KLRG1: variants seen among roughly 807,000 people sequenced by gnomAD.
The protein encoded by KLRG1 is killer cell lectin like receptor G1.
Under a neutral mutation model 21.8 loss-of-function variants are expected in KLRG1, and 16 were observed. The observed-to-expected ratio is 0.73, with a 90% CI of 0.50 to 1.11. The LOEUF is 1.11. KLRG1 is among the 50% of genes most tolerant of loss of function. The probability of loss-of-function intolerance (pLI) is 0.00; values close to 1 mark genes in which losing one functional copy is unlikely to be tolerated. For missense variants in KLRG1, 173 were observed against 218.3 expected (o/e 0.79, Z 1.31); for synonymous variants, 69 against 75.9 (o/e 0.91, Z 0.47).
the KLRG1 span, chr12:9,160,611 CAG>C: frequency 3.1e-5 from 27 of 869,910 alleles, no homozygotes; most frequent in Non-Finnish European, 4.6e-5. Flanking sequence ...GTTATATACA[CAG>C]AGTGTGACTT....
the KLRG1 span, chr12:9,150,763 G>A: frequency 6.5e-7 from 1 of 1,528,250 alleles, no homozygotes. Context: ...GGAAAAGTGG[G>A]AGTAATCAAG....
intron 1 of KLRG1, among the ~76,000 whole-genome samples, chr12:8,965,674 A>C (rs1946457665): frequency 1.3e-5 from 2 of 152,250 alleles, no homozygotes; most frequent in African/African-American, 4.8e-5. Flanking sequence ...ACCACTGCTC[A>C]ATGAAATAAA....
At chr12:9,090,134 C>A in the KLRG1 span, 1 of 1,469,782 alleles carries the variant, frequency 6.8e-7, no homozygotes, top group Non-Finnish European at 9.2e-7. Context: ...TATTAAAACA[C>A]AGAAGCAGGA....
chr12:8,957,050 C>A (rs752765804), intron 1 of KLRG1, among the ~76,000 whole-genome samples: 220 of 152,320 alleles, frequency 1.4e-3, no homozygotes, highest in African/African-American at 5.0e-3. Flanking sequence ...CAGGGCCCCC[C>A]CGGCCGTGGA....
At chr12:9,114,475 T>C in the KLRG1 span, among the ~76,000 whole-genome samples, 1 of 152,192 alleles carries the variant, frequency 6.6e-6, no homozygotes, top group East Asian at 1.9e-4. Flanking sequence ...TAATAAACAC[T>C]GTAGTATAAG....
chr12:9,194,027 C>G, the KLRG1 span: 3 of 1,522,148 alleles, frequency 2.0e-6, no homozygotes, highest in Non-Finnish European at 2.7e-6. Flanking sequence ...GAATATATCA[C>G]TGTTCCTAAC....
the KLRG1 span, among the ~76,000 whole-genome samples, chr12:9,024,515 T>C: frequency 6.6e-6 from 1 of 152,206 alleles, no homozygotes; most frequent in Non-Finnish European, 1.5e-5. Context: ...TTACTACAGA[T>C]TTTAGATAAA....
chr12:9,080,664 T>C, the KLRG1 span, among the ~76,000 whole-genome samples: 1 of 152,234 alleles, frequency 6.6e-6, no homozygotes, highest in African/African-American at 2.4e-5. Flanking sequence ...ACAAAGATAG[T>C]ATTTTTATGG....
At chr12:9,211,038 T>C in the KLRG1 span, among the ~76,000 whole-genome samples, 1 of 152,186 alleles carries the variant, frequency 6.6e-6, no homozygotes, top group Non-Finnish European at 1.5e-5. Flanking sequence ...GAGAGGCATG[T>C]ACTTAAGTGA....
chr12:9,208,402 C>G, the KLRG1 span: 68 of 1,389,312 alleles, frequency 4.9e-5, no homozygotes, highest in African/African-American at 9.5e-4. Context: ...CCCTGGAGAC[C>G]AGCTGAGTTT....
At chr12:9,070,635 C>A in the KLRG1 span, 1 of 1,218,594 alleles carries the variant, frequency 8.2e-7, no homozygotes, top group South Asian at 1.3e-5. Context: ...ATATTTTCTT[C>A]TTCTATGTCC....
chr12:9,037,003 C>G, the KLRG1 span: 1 of 190,010 alleles, frequency 5.3e-6, no homozygotes, highest in East Asian at 1.5e-4. Flanking sequence ...AAACCTTGCT[C>G]GGACATCAAG....
chr12:9,072,968 C>G, the KLRG1 span: 5 of 862,580 alleles, frequency 5.8e-6, no homozygotes, highest in East Asian at 1.3e-4. Context: ...CTTTGATTTC[C>G]TACTTCCCTC....
At chr12:8,952,298 C>T (rs755497348) in intron 1 of KLRG1, among the ~76,000 whole-genome samples, 1 of 152,294 alleles carries the variant, frequency 6.6e-6, no homozygotes, top group South Asian at 2.1e-4. Context: ...AATTAACAGT[C>T]CTAGAACCTC....
At chr12:9,159,989 C>T in the KLRG1 span, 1 of 1,613,896 alleles carries the variant, frequency 6.2e-7, no homozygotes, top group Non-Finnish European at 8.5e-7. Flanking sequence ...GCTGTAGGAG[C>T]CATCTTGGTG....
the KLRG1 span, among the ~76,000 whole-genome samples, chr12:9,096,572 C>T: frequency 1.6e-4 from 24 of 152,226 alleles, no homozygotes; most frequent in East Asian, 4.6e-3. Context: ...CAACTTTAAC[C>T]GTAAAATTCT....
chr12:9,088,118 A>G, the KLRG1 span, among the ~76,000 whole-genome samples: 1 of 152,152 alleles, frequency 6.6e-6, no homozygotes, highest in Non-Finnish European at 1.5e-5. Context: ...TATAGAATGA[A>G]ACTTATACAG....
At chr12:8,964,449 C>T (rs761844937) in intron 1 of KLRG1, among the ~76,000 whole-genome samples, 30 of 152,320 alleles carry the variant, frequency 2.0e-4, no homozygotes, top group African/African-American at 7.0e-4. Context: ...GAGTGCTTTA[C>T]TTCCAACTAT....
At chr12:9,182,117 A>G in the KLRG1 span, 1 of 1,613,486 alleles carries the variant, frequency 6.2e-7, no homozygotes, top group African/African-American at 1.3e-5. Context: ...ACTGCCTTTC[A>G]CTGGAACATG....
Sources: gnomAD v4.1 joint callset for allele counts (sites outside exome capture counted in the v4.1 genomes callset) on GRCh38, gnomAD v4.1.1 for gene constraint, MANE v1.5 for transcripts, NCBI Gene and HGNC (gene_info 2026-07-23, HGNC 2026-07-21) for gene names.